CTNNA3: variants seen among roughly 807,000 people sequenced by gnomAD.
The protein encoded by CTNNA3 is catenin alpha 3, also known as catenin alpha-3.
In CTNNA3, 76 loss-of-function variants were observed where a neutral mutation model predicts 95.7. That is an observed-to-expected ratio of 0.79 (90% CI 0.66 to 0.96). The LOEUF is 0.96. CTNNA3 is among the 40% of genes least tolerant of loss of function. The probability of loss-of-function intolerance (pLI) is 0.00; values close to 1 mark genes in which losing one functional copy is unlikely to be tolerated. For synonymous variants in CTNNA3, 431 were observed against 374.4 expected (o/e 1.15, Z -1.74); for missense variants, 1,191 against 1,089.8 (o/e 1.09, Z -1.31).
At chr10:67,598,505 T>G (rs1377833343) in intron 3 of CTNNA3, among the ~76,000 whole-genome samples, 1 of 152,034 alleles carries the variant, frequency 6.6e-6, no homozygotes, top group Non-Finnish European at 1.5e-5. Flanking sequence ...CGAAGTACTG[T>G]TCAGAATGTG....
chr10:67,291,264 T>C (rs981408822), intron 5 of CTNNA3, among the ~76,000 whole-genome samples: 2 of 152,130 alleles, frequency 1.3e-5, no homozygotes, highest in Admixed American at 6.5e-5. Context: ...CTAGCTATGG[T>C]AAATAAAAAT....
chr10:66,554,829 T>A (rs1176960232), intron 10 of CTNNA3, among the ~76,000 whole-genome samples: 1 of 152,160 alleles, frequency 6.6e-6, no homozygotes, highest in East Asian at 1.9e-4. Context: ...TCCTCCTTTC[T>A]TCATTTTTTT....
chr10:66,585,543 G>C (rs1369135510), intron 10 of CTNNA3, among the ~76,000 whole-genome samples: 6 of 151,616 alleles, frequency 4.0e-5, no homozygotes, highest in African/African-American at 1.5e-4. Context: ...TAGAAGTTCT[G>C]ATTGGCTTTC....
chr10:67,686,045 T>C (rs1840724925), intron 1 of CTNNA3, among the ~76,000 whole-genome samples: 1 of 152,240 alleles, frequency 6.6e-6, no homozygotes, highest in South Asian at 2.1e-4. Flanking sequence ...TCCTTGGGTT[T>C]TTGCATTGTA....
At chr10:66,103,402 T>C (rs1295339777) in intron 13 of CTNNA3, among the ~76,000 whole-genome samples, 153 bp from the exon 14 acceptor site, 3 of 152,186 alleles carry the variant, frequency 2.0e-5, no homozygotes, top group Non-Finnish European at 4.4e-5. Context: ...AAGGAAGGCA[T>C]ATGTCCACAC....
chr10:66,690,621 T>C (rs973562670), intron 9 of CTNNA3, among the ~76,000 whole-genome samples: 29 of 151,848 alleles, frequency 1.9e-4, no homozygotes, highest in Admixed American at 6.6e-4. Flanking sequence ...TGATTCCCAA[T>C]TTCATCCATG....
intron 7 of CTNNA3, among the ~76,000 whole-genome samples, chr10:66,971,923 G>A (rs1168684240): frequency 6.6e-6 from 1 of 150,482 alleles, no homozygotes; most frequent in Non-Finnish European, 1.5e-5. Context: ...ACATGCTAAT[G>A]TACTTCAGTA....
At chr10:66,850,409 T>C (rs891234342) in intron 7 of CTNNA3, among the ~76,000 whole-genome samples, 7 of 152,290 alleles carry the variant, frequency 4.6e-5, no homozygotes, top group African/African-American at 1.7e-4. Context: ...ACTCTTCAAA[T>C]TTAAGAGTTG....
rs1479823469 is a variant in CTNNA3 at position 67,564,687 on chromosome 10, A to G, written c.293-25018T>C. Among the ~76,000 whole-genome samples, 44 of 68,946 alleles carry G rather than the reference A, an allele frequency of 6.4e-4. 1 individual carries two copies. The highest frequency in any genetic ancestry group is 1.9e-3 in the African/African-American group (30 of 15,550). The allele number at this position is 68,946 out of a possible 152,430, so 45.2% of individuals were successfully genotyped here. On this transcript the variant is annotated intron_variant, in intron 3 of 17. Coordinates refer to ENST00000433211, the MANE Select transcript of CTNNA3 (RefSeq NM_013266.4). ...TATGTGTGTGTGTGTGTATATATATATATATATATATATATATATATATAT... is the reference window on the plus strand; with the variant it reads ...TATGTGTGTGTGTGTGTATATATATGTATATATATATATATATATATATAT...
intron 7 of CTNNA3, among the ~76,000 whole-genome samples, chr10:66,889,683 G>T (rs764320824): frequency 2.6e-5 from 4 of 152,200 alleles, no homozygotes; most frequent in South Asian, 2.1e-4. Context: ...GATGCATAAG[G>T]TATGAAATAA....
intron 5 of CTNNA3, among the ~76,000 whole-genome samples, chr10:67,222,580 A>T (rs568084076): frequency 2.9e-4 from 44 of 152,318 alleles, no homozygotes; most frequent in African/African-American, 9.6e-4. Flanking sequence ...TGATAATCTT[A>T]GTGATTTTTG....
At chr10:67,614,918 G>T (rs975086646) in intron 2 of CTNNA3, among the ~76,000 whole-genome samples, 1 of 152,160 alleles carries the variant, frequency 6.6e-6, no homozygotes, top group Non-Finnish European at 1.5e-5. Context: ...ACACAACAAT[G>T]ATGTCTTTCC....
intron 1 of CTNNA3, among the ~76,000 whole-genome samples, chr10:67,715,693 T>C (rs1490438171): frequency 6.6e-6 from 1 of 152,096 alleles, no homozygotes; most frequent in Non-Finnish European, 1.5e-5. Context: ...GGCAGAAGCC[T>C]AGTTACATAG....
At chr10:67,476,814 A>G (rs1383678773) in intron 5 of CTNNA3, among the ~76,000 whole-genome samples, 12 of 149,322 alleles carry the variant, frequency 8.0e-5, no homozygotes, top group Admixed American at 6.7e-5. Flanking sequence ...ACTTGCTCAC[A>G]CAGAGTTACA....
At chr10:66,996,448 C>A (rs779733363) in intron 7 of CTNNA3, among the ~76,000 whole-genome samples, 1 of 151,850 alleles carries the variant, frequency 6.6e-6, no homozygotes, top group Non-Finnish European at 1.5e-5. Context: ...GAGTTTGAGA[C>A]CAGGCTGGGC....
intron 17 of CTNNA3, among the ~76,000 whole-genome samples, chr10:65,950,879 A>G (rs925548198): frequency 6.6e-6 from 1 of 151,820 alleles, no homozygotes; most frequent in Non-Finnish European, 1.5e-5. Flanking sequence ...TTTCCTTCCC[A>G]TATCCAGGTT....
At chr10:66,946,144 A>C (rs538186841) in intron 7 of CTNNA3, among the ~76,000 whole-genome samples, 1 of 152,328 alleles carries the variant, frequency 6.6e-6, no homozygotes, top group East Asian at 1.9e-4. Flanking sequence ...AAAAATCATA[A>C]TATCTGCAAA....
intron 11 of CTNNA3, among the ~76,000 whole-genome samples, chr10:66,384,233 A>T (rs2092868982): frequency 6.6e-6 from 1 of 152,146 alleles, no homozygotes; most frequent in African/African-American, 2.4e-5. Context: ...ATAGGCTCAA[A>T]ATAAAGGGAG....
chr10:66,792,041 T>C (rs1214328435), intron 7 of CTNNA3, among the ~76,000 whole-genome samples: 1 of 152,246 alleles, frequency 6.6e-6, no homozygotes, highest in Non-Finnish European at 1.5e-5. Context: ...TAAGTCATGA[T>C]GACACATTTA....
Sources: gnomAD v4.1 joint callset for allele counts (sites outside exome capture counted in the v4.1 genomes callset) on GRCh38, gnomAD v4.1.1 for gene constraint, MANE v1.5 for transcripts, NCBI Gene and HGNC (gene_info 2026-07-23, HGNC 2026-07-21) for gene names.